Variants in GPX5 observed in about 807,000 individuals in gnomAD.
The protein encoded by GPX5 is epididymal secretory glutathione peroxidase.
Under a neutral mutation model 23.8 loss-of-function variants are expected in GPX5, and 20 were observed. The ratio of observed to expected loss-of-function variants is 0.84; its 90% CI spans 0.59 to 1.22. The LOEUF (loss-of-function observed/expected upper bound fraction) is 1.22. GPX5 is among the 50% of genes most tolerant of loss of function. The pLI is 0.00. For missense variants in GPX5, 230 were observed against 266.6 expected, an observed-to-expected ratio of 0.86 and a Z score of 0.96; for synonymous variants, 92 against 99.5, an observed-to-expected ratio of 0.92 and a Z score of 0.45.
Position 28,525,937 on chromosome 6 carries a change from C to T in GPX5, c.-77C>T, listed in dbSNP as rs914025708. ...GGCCTGTGGGGGCTTGGGCTAAGTC[C>T]CTGCCAAGATACCAAAAGACTGCAG... On this transcript the variant is annotated 5_prime_UTR_variant, in exon 1 of 5. Transcript: ENST00000412168. The T allele has an allele frequency of 3.9e-5, 42 of 1,086,866 alleles. No homozygotes were observed. The African/African-American group carries it at 5.5e-4, about 14-fold the overall frequency. 67.3% of individuals were successfully genotyped at this position (1,086,866 alleles called of 1,614,324 possible).
chr6:28,526,479 C>T (rs1433644505), intron 1 of GPX5, among the ~76,000 whole-genome samples: 1 of 151,988 alleles, frequency 6.6e-6, no homozygotes, highest in African/African-American at 2.4e-5. Context: ...GGACTTGTCT[C>T]AGACACAGCT....
intron 2 of GPX5, among the ~76,000 whole-genome samples, chr6:28,530,779 G>C (rs908763660): frequency 3.9e-5 from 6 of 152,204 alleles, no homozygotes; most frequent in African/African-American, 1.4e-4. Context: ...ATAGGGAGGG[G>C]TACTGAGGAA....
Position 28,532,342 on chromosome 6 carries a change from A to T in GPX5, c.381A>T (p.Gly127=). The part of the protein sequence containing the change: ...PGLKYVRPGG[G]FVPSFQLFEK... Reference sequence around the variant, plus strand: ...GCAGGTATGTCCGTCCAGGGGGAGGATTTGTACCTAGTTTCCAGCTTTTTG... The same window carrying T: ...GCAGGTATGTCCGTCCAGGGGGAGGTTTTGTACCTAGTTTCCAGCTTTTTG... Residue 127 remains glycine (G), a synonymous_variant, in exon 4 of 5, where the codon GGA becomes GGT. Coordinates refer to ENST00000412168, the MANE Select transcript of GPX5 (RefSeq NM_001509.3). 6.3e-7 allele frequency: 1 copy of T among 1,584,766 alleles called. No individual in the cohort carries two copies. Among genetic ancestry groups the T allele is most frequent in the Non-Finnish European group, 8.5e-7 (1 of 1,170,110 alleles).
intron 2 of GPX5, chr6:28,529,976 C>T (rs1763282802): frequency 6.0e-6 from 1 of 167,046 alleles, no homozygotes; most frequent in African/African-American, 2.4e-5. Context: ...CTAACCCCCT[C>T]CCCATGCCCT....
At chr6:28,530,324 A>G (rs1202529022) in intron 2 of GPX5, among the ~76,000 whole-genome samples, 1 of 152,192 alleles carries the variant, frequency 6.6e-6, no homozygotes, top group African/African-American at 2.4e-5. Context: ...TGGTTTAAAA[A>G]TCAGTGAATA....
At chr6:28,529,393 T>C (rs1581853502) in intron 1 of GPX5, 58 bp from the exon 2 acceptor site, 2 of 1,372,330 alleles carry the variant, frequency 1.5e-6, no homozygotes, top group Non-Finnish European at 1.0e-6. Flanking sequence ...CTTTGAAAGA[T>C]TACACAGATG....
rs532584620 is a variant in GPX5 at position 28,531,811 on chromosome 6, A to G, written c.275A>G (p.Tyr92Cys). 217 of 1,613,236 alleles carry G rather than the reference A, an allele frequency of 1.3e-4. No homozygotes were observed. The highest frequency in any genetic ancestry group is 3.3e-4 in the Middle Eastern group (2 of 6,080). ...LNALQEELKP[Y>C]GLVVLGFPCN... is the part of the protein sequence containing the mutation. ...GCACTCCAGGAGGAGCTGAAGCCCT[A>G]TGGTCTAGTTGTGTTGGGCTTTCCC... is the stretch of plus-strand genomic sequence containing the variant. The change falls in exon 3 of 5, where the codon TAT (tyrosine) becomes TGT (cysteine). Residue 92 changes from tyrosine to cysteine, a missense_variant. By Grantham distance (194) the Tyr-to-Cys change is radical. Coordinates refer to ENST00000412168, the MANE Select transcript of GPX5 (RefSeq NM_001509.3).
At chr6:28,526,170 T>G (rs1417864432) in intron 1 of GPX5, 70 bp downstream of exon 1, 13 of 1,143,858 alleles carry the variant, frequency 1.1e-5, no homozygotes, top group Non-Finnish European at 1.7e-5. Flanking sequence ...CCTCCACTCC[T>G]TCTTGTAAGA....
Position 28,534,269 on chromosome 6 carries a change from C to T in GPX5, c.*102C>T. 1.3e-6 allele frequency: 1 copy of T among 742,054 alleles called. No individual in the cohort carries two copies. The allele number at this position is 742,054 out of a possible 1,614,324, so 46.0% of individuals were successfully genotyped here. A position where few individuals can be genotyped will look rare whatever the true frequency, so the allele number is the denominator to read the frequency against. ...AATACCCATCTTCTCACCACACTCT[C>T]TTCCTGCATGGGCTCCACCTGAGTA... On this transcript the variant is annotated 3_prime_UTR_variant, in exon 5 of 5. Coordinates refer to ENST00000412168, the MANE Select transcript of GPX5 (RefSeq NM_001509.3).
chr6:28,528,936 A>G (rs967014967), intron 1 of GPX5, among the ~76,000 whole-genome samples: 6 of 149,040 alleles, frequency 4.0e-5, no homozygotes, highest in Non-Finnish European at 8.9e-5. Flanking sequence ...CATTATGGAA[A>G]ATGGGGTATC....
chr6:28,533,862 C>G, intron 4 of GPX5, 99 bp from the exon 5 acceptor site: 1 of 648,712 alleles, frequency 1.5e-6, no homozygotes, highest in African/African-American at 1.8e-5. Flanking sequence ...GTTAAAATAT[C>G]TAGGTATAGG....
chr6:28,533,219 G>A (rs1763359266), intron 4 of GPX5, among the ~76,000 whole-genome samples: 1 of 152,168 alleles, frequency 6.6e-6, no homozygotes. Flanking sequence ...GAGAATGCCA[G>A]AGCTGAAACA....
At chr6:28,530,182 G>A (rs958581057) in intron 2 of GPX5, 1 of 152,210 alleles carries the variant, frequency 6.6e-6, no homozygotes, top group Non-Finnish European at 1.5e-5. Flanking sequence ...TTTGATTAGA[G>A]TGAGGGCTGG....
intron 1 of GPX5, among the ~76,000 whole-genome samples, chr6:28,528,775 G>C (rs905580650): frequency 7.1e-6 from 1 of 141,642 alleles, no homozygotes; most frequent in African/African-American, 2.6e-5. Context: ...AGTGTACATA[G>C]TAAGTGTGTA....
In GPX5 at chr6:28,529,617, A is replaced by G. The variant is rs1201848316; in HGVS notation, c.241+13A>G. 3.2e-6 allele frequency: 5 copies of G among 1,584,984 alleles called. No individual in the cohort carries two copies. The highest frequency in any genetic ancestry group is 3.4e-6 in the Non-Finnish European group (4 of 1,163,700). On this transcript the variant is annotated intron_variant, in intron 2 of 4. Coordinates refer to ENST00000412168, the MANE Select transcript of GPX5 (RefSeq NM_001509.3). ...GCGCAATATCCTGGTAAGAGAATTC[A>G]TAGTTACTTCTCTTTGGGACTAAAT... is the stretch of plus-strand genomic sequence containing the variant.
Position 28,531,389 on chromosome 6 carries a change from A to G in GPX5, c.242-389A>G, listed in dbSNP as rs9368566. Among the ~76,000 whole-genome samples, 185 of 69,536 alleles carry G rather than the reference A, an allele frequency of 2.7e-3. 1 individual carries two copies. Among genetic ancestry groups the G allele is most frequent in the Non-Finnish European group, 3.8e-3 (140 of 37,106 alleles). 45.6% of individuals were successfully genotyped at this position (69,536 alleles called of 152,430 possible). A position where few individuals can be genotyped will look rare whatever the true frequency, so the allele number is the denominator to read the frequency against. On this transcript the variant is annotated intron_variant, in intron 2 of 4. Transcript: ENST00000412168. ...CTGTCTCAAAAAAAAAAAAAAAAAA[A>G]AAAAGAAAAGAAAAGAAAAGAAAAG...
chr6:28,528,583 G>A (rs974542143), intron 1 of GPX5: 2 of 152,082 alleles, frequency 1.3e-5, no homozygotes, highest in African/African-American at 4.8e-5. Context: ...CCAAGGAGTA[G>A]CCTGTTTTTT....
chr6:28,533,866 G>T (rs945246612), intron 4 of GPX5, 95 bp from the exon 5 acceptor site: 2 of 699,918 alleles, frequency 2.9e-6, no homozygotes, highest in South Asian at 5.1e-5. Context: ...AAATATCTAG[G>T]TATAGGAGGG....
chr6:28,534,447 T>C lies in GPX5; in HGVS notation c.*280T>C. ...CAGACCTCTGTTACAGGTTGAATCATTCATATCCACCAGAGGGAAATCATC... is the reference window on the plus strand; with the variant it reads ...CAGACCTCTGTTACAGGTTGAATCACTCATATCCACCAGAGGGAAATCATC... On this transcript the variant is annotated 3_prime_UTR_variant, in exon 5 of 5. Transcript: ENST00000412168. The C allele has an allele frequency of 2.9e-6, 1 of 340,288 alleles. No individual in the cohort carries two copies. 21.1% of individuals were successfully genotyped at this position (340,288 alleles called of 1,614,324 possible).
Sources: allele counts gnomAD v4.1 joint callset (sites outside exome capture counted in the v4.1 genomes callset), GRCh38; gene constraint gnomAD v4.1.1; transcripts MANE v1.5; gene names NCBI Gene and HGNC (gene_info 2026-07-23, HGNC 2026-07-21).